Variants in DNAAF11 observed in about 807,000 individuals in gnomAD.
The protein encoded by DNAAF11 is leucine rich repeat containing 6.
DNAAF11 carries 45 observed loss-of-function variants against 60.8 expected under a neutral mutation model. The ratio of observed to expected loss-of-function variants is 0.74; its 90% CI spans 0.58 to 0.95. DNAAF11 has a LOEUF of 0.95. Among genes scored for constraint, DNAAF11 ranks in the 40% least tolerant of loss-of-function variants. The pLI is 0.00. For missense variants in DNAAF11, 546 were observed against 546.2 expected (o/e 1.00, Z 0.00); for synonymous variants, 191 against 183.5 (o/e 1.04, Z -0.33).
At chr8:132,579,907 G>C (rs867348033) in intron 11 of DNAAF11, among the ~76,000 whole-genome samples, 38 of 151,956 alleles carry the variant, frequency 2.5e-4, no homozygotes, top group African/African-American at 8.9e-4. Context: ...TGAGGCACAA[G>C]AATCGCTTGA....
intron 8 of DNAAF11, 108 bp downstream of exon 8, chr8:132,614,930 C>T: frequency 1.6e-6 from 1 of 608,158 alleles, no homozygotes; most frequent in Non-Finnish European, 2.9e-6. Flanking sequence ...CTTCATTTAA[C>T]TATAGGTCTA....
intron 7 of DNAAF11, among the ~76,000 whole-genome samples, chr8:132,621,514 G>A (rs1819760029): frequency 6.6e-6 from 1 of 152,186 alleles, no homozygotes; most frequent in Non-Finnish European, 1.5e-5. Context: ...TGAGGCTGCA[G>A]TGTGTGGGAA....
At chr8:132,687,746 C>G in the DNAAF11 span, 5 of 453,166 alleles carry the variant, frequency 1.1e-5, no homozygotes, top group Non-Finnish European at 2.2e-5. Flanking sequence ...TGCCTGACTC[C>G]AAAGCTCATG....
At chr8:132,633,184 T>A (rs1184864468) in intron 4 of DNAAF11, among the ~76,000 whole-genome samples, 1 of 152,132 alleles carries the variant, frequency 6.6e-6, no homozygotes, top group Non-Finnish European at 1.5e-5. Flanking sequence ...AATAATTAGG[T>A]CTGTTAAAAC....
the DNAAF11 span, among the ~76,000 whole-genome samples, chr8:132,697,872 T>C: frequency 6.6e-6 from 1 of 152,252 alleles, no homozygotes; most frequent in East Asian, 1.9e-4. Flanking sequence ...GGGATAATCA[T>C]CCAGTAGGTG....
At chr8:132,664,539 C>T (rs1824437631) in intron 1 of DNAAF11, among the ~76,000 whole-genome samples, 1 of 152,168 alleles carries the variant, frequency 6.6e-6, no homozygotes, top group African/African-American at 2.4e-5. Flanking sequence ...GGCACGATTA[C>T]AGTTTGCTGC....
At position 132,595,225 on chromosome 8, in the gene DNAAF11, G is replaced by A. The variant is rs142961929; in HGVS notation, c.1141-11446C>T. On this transcript the variant is annotated intron_variant, in intron 10 of 11. Coordinates refer to ENST00000620350, the MANE Select transcript of DNAAF11 (RefSeq NM_012472.6). ...GCACAGAAAACACAAAAGTCCTGCC[G>A]GTGGGAACAAGGTTCCAGAAACTTA... Among the ~76,000 whole-genome samples the A allele has an allele frequency of 6.1e-3, 931 of 152,048 alleles. 13 individuals are homozygous for A. Among genetic ancestry groups the A allele is most frequent in the African/African-American group, 0.02 (846 of 41,476 alleles).
intron 5 of DNAAF11, among the ~76,000 whole-genome samples, chr8:132,631,784 A>C (rs1035225645): frequency 8.6e-5 from 13 of 152,032 alleles, no homozygotes; most frequent in Non-Finnish European, 1.5e-4. Context: ...CAAACACCGC[A>C]TGTTCTCACT....
At position 132,625,421 on chromosome 8, in the gene DNAAF11, T is replaced by G. The variant is rs1002322263; in HGVS notation, c.687A>C (p.Ala229=). The G allele has an allele frequency of 2.5e-6, 4 of 1,611,976 alleles. No homozygotes were observed. Among genetic ancestry groups the G allele is most frequent in the Non-Finnish European group, 3.4e-6 (4 of 1,179,204 alleles). The change falls in exon 6 of 12, where the codon GCA becomes GCC. Residue 229 remains alanine (A), a synonymous_variant. Transcript: ENST00000620350. ...SSLESKDHLQ[A]PDTEEHNTKK... is the part of the protein sequence containing the mutation. ...TTGTGTTGTGTTCCTCTGTGTCTGG[T>G]GCCTGTAGGTGGTCTTTGCTCTCTA...
chr8:132,613,672 C>T (rs1037689696), intron 8 of DNAAF11, among the ~76,000 whole-genome samples: 2 of 151,996 alleles, frequency 1.3e-5, no homozygotes, highest in South Asian at 4.2e-4. Context: ...TTGAAATGGT[C>T]GATTTTAAGT....
intron 10 of DNAAF11, among the ~76,000 whole-genome samples, chr8:132,594,947 G>A (rs572919558): frequency 2.2e-4 from 34 of 152,142 alleles, no homozygotes; most frequent in Middle Eastern, 3.4e-3. Flanking sequence ...GAATTCTCAC[G>A]AGATCTGATG....
chr8:132,674,987 T>C (rs545474160), intron 1 of DNAAF11, among the ~76,000 whole-genome samples: 3 of 152,120 alleles, frequency 2.0e-5, no homozygotes, highest in Non-Finnish European at 2.9e-5. Context: ...GCCCAAGGGG[T>C]GAAGTCACTC....
chr8:132,670,481 T>C (rs1246309218), intron 1 of DNAAF11, among the ~76,000 whole-genome samples: 2 of 152,190 alleles, frequency 1.3e-5, no homozygotes, highest in Non-Finnish European at 2.9e-5. Context: ...GTTAAAAACC[T>C]TTCTTTCCAC....
intron 10 of DNAAF11, among the ~76,000 whole-genome samples, chr8:132,606,801 G>A (rs2129871460): frequency 6.6e-6 from 1 of 152,224 alleles, no homozygotes; most frequent in East Asian, 1.9e-4. Context: ...ATTGCATCTG[G>A]CCAAAAATTT....
intron 9 of DNAAF11, 50 bp downstream of exon 9, chr8:132,611,244 G>A (rs1363341626): frequency 1.5e-6 from 2 of 1,314,170 alleles, no homozygotes; most frequent in Non-Finnish European, 1.1e-6. Flanking sequence ...CCACAGCTTA[G>A]TTCAAAGCTT....
chr8:132,609,864 A>T (rs1228509331), intron 10 of DNAAF11, among the ~76,000 whole-genome samples: 3 of 151,978 alleles, frequency 2.0e-5, no homozygotes, highest in Non-Finnish European at 4.4e-5. Context: ...AAATATCCCA[A>T]CTCATTCATA....
intron 3 of DNAAF11, among the ~76,000 whole-genome samples, chr8:132,653,875 A>G (rs914995142): frequency 1.3e-5 from 2 of 152,144 alleles, no homozygotes; most frequent in African/African-American, 4.8e-5. Context: ...ATATATAGAA[A>G]ACACATTGCA....
upstream of DNAAF11, chr8:132,675,585 T>A: frequency 7.4e-7 from 1 of 1,354,482 alleles, no homozygotes. Context: ...CGCGTCCCCG[T>A]CGGAATTCAG....
At chr8:132,577,898 C>G (rs552022799) in intron 11 of DNAAF11, among the ~76,000 whole-genome samples, 18 of 151,912 alleles carry the variant, frequency 1.2e-4, no homozygotes, top group African/African-American at 3.6e-4. Flanking sequence ...AACTTCCGAC[C>G]TCAGGTGATC....
Sources: gnomAD v4.1 joint callset for allele counts (sites outside exome capture counted in the v4.1 genomes callset) on GRCh38, gnomAD v4.1.1 for gene constraint, MANE v1.5 for transcripts, NCBI Gene and HGNC (gene_info 2026-07-23, HGNC 2026-07-21) for gene names.